The following PCDHA1 variants were observed in gnomAD, a reference collection of about 807,000 sequenced individuals.
PCDHA1 encodes the protein protocadherin alpha 1.
In PCDHA1, 42 loss-of-function variants were observed where a neutral mutation model predicts 61.3. The observed-to-expected ratio is 0.69, with a 90% confidence interval of 0.54 to 0.89. The LOEUF is 0.89. Ranked by LOEUF, PCDHA1 falls within the 40% of genes least tolerant of loss-of-function variation. The pLI, the probability that PCDHA1 is intolerant of heterozygous loss-of-function variation, is 0.00. For missense variants in PCDHA1, 1,256 were observed against 1,235.3 expected (o/e 1.02, Z -0.25); for synonymous variants, 610 against 553.8 (o/e 1.10, Z -1.43).
chr5:140,823,684 G>T (rs1554129546), intron 1 of PCDHA1: 1 of 1,613,918 alleles, frequency 6.2e-7, no homozygotes, highest in Non-Finnish European at 8.5e-7. Flanking sequence ...ACGCTCTCTG[G>T]ATGAGACCGA....
At chr5:140,908,452 T>A (rs2073982140) in intron 1 of PCDHA1, among the ~76,000 whole-genome samples, 1 of 152,196 alleles carries the variant, frequency 6.6e-6, no homozygotes, top group African/African-American at 2.4e-5. Context: ...TATGGCTAGA[T>A]GGATCAGAAA....
At chr5:140,898,782 G>A (rs1170822216) in intron 1 of PCDHA1, among the ~76,000 whole-genome samples, 5 of 152,306 alleles carry the variant, frequency 3.3e-5, no homozygotes, top group Middle Eastern at 3.4e-3. Context: ...ACCTTGGGCA[G>A]TATGGCCATT....
chr5:140,890,776 A>T (rs1554184541), intron 1 of PCDHA1, among the ~76,000 whole-genome samples: 2 of 152,198 alleles, frequency 1.3e-5, no homozygotes, highest in Non-Finnish European at 2.9e-5. Context: ...TTAAAACCCC[A>T]TAAGATATTA....
At chr5:140,938,618 C>A (rs925273700) in intron 1 of PCDHA1, among the ~76,000 whole-genome samples, 1 of 152,138 alleles carries the variant, frequency 6.6e-6, no homozygotes, top group East Asian at 1.9e-4. Flanking sequence ...TTGGAATAAA[C>A]TCAGGTTGCT....
intron 1 of PCDHA1, chr5:140,969,002 T>C (rs201544118): frequency 8.1e-6 from 13 of 1,614,214 alleles, no homozygotes; most frequent in Non-Finnish European, 1.1e-5. Context: ...TGGAGGCTTC[T>C]GTGGAGTAAG....
intron 1 of PCDHA1, chr5:140,808,836 C>G (rs782131323): frequency 6.2e-7 from 1 of 1,613,100 alleles, no homozygotes; most frequent in East Asian, 2.2e-5. Context: ...AGCAACGTGA[C>G]GCTGCAGGTG....
intron 1 of PCDHA1, among the ~76,000 whole-genome samples, chr5:140,840,970 A>G (rs1440529363): frequency 2.6e-5 from 4 of 152,082 alleles, no homozygotes; most frequent in African/African-American, 7.2e-5. Flanking sequence ...TTCCTTATGA[A>G]GAAGAAATCC....
At chr5:140,884,318 G>A (rs1345534362) in intron 1 of PCDHA1, 1 of 1,613,692 alleles carries the variant, frequency 6.2e-7, no homozygotes, top group Non-Finnish European at 8.5e-7. Flanking sequence ...GAGGGCGTCG[G>A]CAGGCGCTGT....
intron 1 of PCDHA1, chr5:140,859,978 C>T (rs1554152894): frequency 6.6e-6 from 1 of 151,802 alleles, no homozygotes. Context: ...TATACAAGTG[C>T]ATTAATCTCT....
At position 140,850,757 on chromosome 5, in the gene PCDHA1, G is replaced by C. The variant is rs1554144879; in HGVS notation, c.2394+62073G>C. On this transcript the variant is annotated intron_variant, in intron 1 of 3. Coordinates refer to ENST00000504120, the MANE Select transcript of PCDHA1 (RefSeq NM_018900.4). ...GGAGTTGGTCGTACTCGCAGCAGAGGAGGCAGAGGGTGTGCTCTGGCGAGG... is the reference window on the plus strand; with the variant it reads ...GGAGTTGGTCGTACTCGCAGCAGAGCAGGCAGAGGGTGTGCTCTGGCGAGG... The C allele has an allele frequency of 1.3e-5, 20 of 1,597,958 alleles. 2 individuals are homozygous for C. The highest frequency in any genetic ancestry group is 1.4e-5 in the Non-Finnish European group (16 of 1,167,660).
At chr5:140,967,464 G>T (rs781900904) in intron 1 of PCDHA1, 1 of 1,613,504 alleles carries the variant, frequency 6.2e-7, no homozygotes, top group Non-Finnish European at 8.5e-7. Context: ...GTGGATGGGG[G>T]CATCCCAGCC....
intron 1 of PCDHA1, chr5:140,815,025 C>T (rs1481825533): frequency 4.6e-5 from 7 of 152,110 alleles, no homozygotes; most frequent in African/African-American, 1.7e-4. Flanking sequence ...CTTTTGGTTA[C>T]AATTTGCATG....
chr5:140,803,171 A>G, intron 1 of PCDHA1: 2 of 1,613,864 alleles, frequency 1.2e-6, no homozygotes, highest in Non-Finnish European at 1.7e-6. Context: ...GTGAACCCTC[A>G]TTGACCGCCA....
At chr5:140,801,212 G>A (rs782740358) in intron 1 of PCDHA1, 2 of 1,605,828 alleles carry the variant, frequency 1.2e-6, no homozygotes, top group East Asian at 2.2e-5. Flanking sequence ...TGTTCTCCTG[G>A]CGAGAAGATC....
intron 1 of PCDHA1, chr5:140,810,242 C>T (rs78416157): frequency 6.6e-6 from 1 of 152,216 alleles, no homozygotes; most frequent in Non-Finnish European, 1.5e-5. Flanking sequence ...TTCTACTGTT[C>T]AGGAATTTGC....
Position 140,788,478 on chromosome 5 carries a change from G to C in PCDHA1, c.2188G>C (p.Gly730Arg). ...ALRCSVPPTE[G>R]AYVPGKPTLV... ...GCGGTGCTCAGTGCCGCCCACTGAG[G>C]GTGCGTATGTGCCGGGCAAGCCCAC... is the stretch of plus-strand genomic sequence containing the variant. Residue 730 changes from glycine (G) to arginine (R), a missense_variant, in exon 1 of 4, where the codon GGT becomes CGT. Coordinates refer to ENST00000504120, the MANE Select transcript of PCDHA1 (RefSeq NM_018900.4). 3.7e-6 allele frequency: 6 copies of C among 1,614,126 alleles called. No individual in the cohort carries two copies. The highest frequency in any genetic ancestry group is 5.1e-6 in the Non-Finnish European group (6 of 1,180,010).
rs376781836 is a variant in PCDHA1 at position 140,858,274 on chromosome 5, G to A, written c.2394+69590G>A. On this transcript the variant is annotated intron_variant, in intron 1 of 3. Coordinates refer to ENST00000504120, the MANE Select transcript of PCDHA1 (RefSeq NM_018900.4). ...AGCCCACGCTGGTGTGCTCTAGCGCGGTGGGGAGCTGGTCTTACTCGCAGC... is the reference window on the plus strand; with the variant it reads ...AGCCCACGCTGGTGTGCTCTAGCGCAGTGGGGAGCTGGTCTTACTCGCAGC... The A allele has an allele frequency of 1.3e-5, 21 of 1,597,416 alleles. 1 individual carries two copies. The African/African-American group carries it at 2.6e-4, about 19-fold the overall frequency.
intron 1 of PCDHA1, chr5:140,803,185 C>A (rs1554122631): frequency 6.2e-7 from 1 of 1,613,958 alleles, no homozygotes; most frequent in South Asian, 1.1e-5. Flanking sequence ...ACCGCCACGG[C>A]CACTGTGCTG....
intron 1 of PCDHA1, among the ~76,000 whole-genome samples, chr5:140,874,881 CCTAA>C (rs1562692558): frequency 6.6e-6 from 1 of 152,102 alleles, no homozygotes; most frequent in African/African-American, 2.4e-5. Context: ...AATACAAATT[CCTAA>C]CTTTCTCTAA....
Sources: gnomAD v4.1 joint callset for allele counts (sites outside exome capture counted in the v4.1 genomes callset) on GRCh38, gnomAD v4.1.1 for gene constraint, MANE v1.5 for transcripts, NCBI Gene and HGNC (gene_info 2026-07-23, HGNC 2026-07-21) for gene names.